CBFB: variants seen among roughly 807,000 people sequenced by gnomAD.
CBFB encodes the protein core-binding factor subunit beta.
CBFB carries 9 observed loss-of-function variants against 30.4 expected under a neutral mutation model. That is an observed-to-expected ratio of 0.30 (90% CI 0.18 to 0.52). The LOEUF (loss-of-function observed/expected upper bound fraction) is 0.52, where lower values mean the gene tolerates loss of function less well. CBFB is among the 20% of genes least tolerant of loss of function. CBFB has a pLI of 0.97. For synonymous variants in CBFB, 94 were observed against 84.0 expected (o/e 1.12, Z -0.65); for missense variants, 170 against 244.0 (o/e 0.70, Z 2.02).
intron 3 of CBFB, among the ~76,000 whole-genome samples, chr16:67,065,417 G>T (rs1446070132): frequency 6.6e-6 from 1 of 152,228 alleles, no homozygotes; most frequent in African/African-American, 2.4e-5. Context: ...AGATATACTT[G>T]TTGGATGTGA....
intron 5 of CBFB, among the ~76,000 whole-genome samples, chr16:67,096,883 G>A (rs148571332): frequency 0.066 from 9,968 of 150,312 alleles, 992 homozygotes; most frequent in African/African-American, 0.22. Context: ...CGGAGCTTGC[G>A]GTGAGCCAAG....
At chr16:67,085,787 T>C (rs1256054475) in intron 5 of CBFB, among the ~76,000 whole-genome samples, 1 of 151,326 alleles carries the variant, frequency 6.6e-6, no homozygotes, top group Non-Finnish European at 1.5e-5. Context: ...AAGCCATTCT[T>C]CTGCCTCAGC....
At chr16:67,053,844 C>CTT (rs111876987) in intron 3 of CBFB, among the ~76,000 whole-genome samples, 51 of 142,554 alleles carry the variant, frequency 3.6e-4, no homozygotes, top group African/African-American at 1.1e-3. Context: ...TTCTTTTATC[C>CTT]TTTTTTTTTT....
chr16:67,036,960 G>A (rs956983416), intron 3 of CBFB, among the ~76,000 whole-genome samples: 5 of 151,668 alleles, frequency 3.3e-5, no homozygotes, highest in Admixed American at 6.6e-5. Context: ...GTGCAGTGGC[G>A]TGATGTTGGT....
chr16:67,031,890 A>C (rs1016222561), intron 2 of CBFB, among the ~76,000 whole-genome samples: 3 of 151,474 alleles, frequency 2.0e-5, no homozygotes, highest in Non-Finnish European at 4.4e-5. Flanking sequence ...TCACAGGCAC[A>C]ATCATGAGGC....
chr16:67,098,627 T>C, intron 5 of CBFB, 83 bp from the exon 6 acceptor site: 5 of 768,964 alleles, frequency 6.5e-6, no homozygotes, highest in Non-Finnish European at 1.1e-5. Flanking sequence ...TTTTTCTGTG[T>C]GCTACTGTCT....
chr16:67,035,310 C>G (rs924663140), intron 2 of CBFB, among the ~76,000 whole-genome samples: 1 of 152,278 alleles, frequency 6.6e-6, no homozygotes, highest in Non-Finnish European at 1.5e-5. Context: ...GTCTTGTACT[C>G]CTGACCTCAG....
At chr16:67,029,857 G>T (rs774189703) in intron 2 of CBFB, 44 bp downstream of exon 2, 10 of 1,460,000 alleles carry the variant, frequency 6.8e-6, no homozygotes, top group Non-Finnish European at 9.3e-6. Context: ...CTTGTTGCGC[G>T]GGGCCGCGGC....
At chr16:67,048,744 G>A (rs955896697) in intron 3 of CBFB, among the ~76,000 whole-genome samples, 2 of 150,622 alleles carry the variant, frequency 1.3e-5, no homozygotes, top group Non-Finnish European at 1.5e-5. Flanking sequence ...TAGTAGAGAC[G>A]GGTTTTCACC....
At chr16:67,066,425 T>C (rs1961057515) in intron 3 of CBFB, among the ~76,000 whole-genome samples, 2 of 126,450 alleles carry the variant, frequency 1.6e-5, no homozygotes, top group Non-Finnish European at 3.1e-5. Context: ...CCAGGCATGA[T>C]GGTGAGCGCC....
chr16:67,031,196 C>G (rs970871890), intron 2 of CBFB, among the ~76,000 whole-genome samples: 1 of 152,122 alleles, frequency 6.6e-6, no homozygotes, highest in Non-Finnish European at 1.5e-5. Flanking sequence ...TGAGAAGATA[C>G]TGGTTAAATT....
intron 2 of CBFB, 30 bp downstream of exon 2, chr16:67,029,843 G>T (rs1172976884): frequency 6.5e-7 from 1 of 1,537,648 alleles, no homozygotes; most frequent in South Asian, 1.2e-5. Flanking sequence ...GCGCGCGCGG[G>T]TCACTTGTTG....
intron 3 of CBFB, among the ~76,000 whole-genome samples, chr16:67,064,393 G>T (rs1054418266): frequency 6.6e-6 from 1 of 152,272 alleles, no homozygotes; most frequent in Non-Finnish European, 1.5e-5. Flanking sequence ...TTTTAGTAGA[G>T]ACGGGGTTTC....
At chr16:67,071,437 C>G (rs915504651) in intron 4 of CBFB, among the ~76,000 whole-genome samples, 2 of 151,992 alleles carry the variant, frequency 1.3e-5, no homozygotes, top group African/African-American at 4.8e-5. Context: ...CTCTCTCTGC[C>G]GTATGAGGAC....
intron 4 of CBFB, among the ~76,000 whole-genome samples, chr16:67,081,464 T>C (rs1481319173): frequency 6.6e-6 from 1 of 152,040 alleles, no homozygotes; most frequent in Non-Finnish European, 1.5e-5. Flanking sequence ...ACTTTTTTTT[T>C]AATGGTGTTG....
In CBFB at chr16:67,100,588, T is replaced by C; in HGVS notation, c.*1810T>C. ...TTTAAGTGATCCTTACAGTGGTGTT[T>C]TATGTTACTTTATTACAGAGCTCCT... On this transcript the variant is annotated 3_prime_UTR_variant, in exon 6 of 6. Coordinates refer to ENST00000412916, the MANE Select transcript of CBFB (RefSeq NM_022845.3). The C allele has an allele frequency of 4.4e-6, 1 of 225,834 alleles. No homozygotes were observed. The highest frequency in any genetic ancestry group is 8.8e-6 in the Non-Finnish European group (1 of 113,144). 14.0% of individuals were successfully genotyped at this position (225,834 alleles called of 1,614,324 possible).
intron 5 of CBFB, among the ~76,000 whole-genome samples, chr16:67,085,708 C>T (rs1398626414): frequency 1.5e-5 from 2 of 134,384 alleles, no homozygotes; most frequent in Non-Finnish European, 3.1e-5. Flanking sequence ...GACGGAGTCT[C>T]GCTCTGTCGC....
At chr16:67,087,408 T>G (rs1313618615) in intron 5 of CBFB, among the ~76,000 whole-genome samples, 2 of 151,472 alleles carry the variant, frequency 1.3e-5, no homozygotes, top group African/African-American at 4.9e-5. Flanking sequence ...ATTTAAAAAC[T>G]AGCTAGGCAT....
chr16:67,092,960 G>T (rs1053691401), intron 5 of CBFB, among the ~76,000 whole-genome samples: 1 of 151,990 alleles, frequency 6.6e-6, no homozygotes, highest in Non-Finnish European at 1.5e-5. Context: ...TGATCTGCCC[G>T]CCTTGGCCTT....
Sources: gnomAD v4.1 joint callset for allele counts (sites outside exome capture counted in the v4.1 genomes callset) on GRCh38, gnomAD v4.1.1 for gene constraint, MANE v1.5 for transcripts, NCBI Gene and HGNC (gene_info 2026-07-23, HGNC 2026-07-21) for gene names.